The following UCN3 variants were observed in gnomAD, a reference collection of about 807,000 sequenced individuals.
UCN3 encodes urocortin-3.
In UCN3, 3 loss-of-function variants were observed where a neutral mutation model predicts 3.6. The observed-to-expected ratio is 0.83, with a 90% CI of 0.38 to 2.15. UCN3 has a LOEUF of 2.15. Among genes scored for constraint, UCN3 ranks in the 30% most tolerant of loss-of-function variants. UCN3 has a pLI of 0.06. For missense variants in UCN3, 206 were observed against 208.3 expected (o/e 0.99, Z 0.07); for synonymous variants, 100 against 93.2 (o/e 1.07, Z -0.42).
rs1283369717 is a variant in UCN3 at position 5,370,286 on chromosome 10, CGT to C, written c.-6-3422_-6-3421del. 1.6e-3 allele frequency among the ~76,000 whole-genome samples: 29 copies of C among 17,584 alleles called. 1 individual carries two copies. The highest frequency in any genetic ancestry group is 3.1e-3 in the South Asian group (1 of 326). The allele number at this position is 17,584 out of a possible 152,430, so 11.5% of individuals were successfully genotyped here. A position where few individuals can be genotyped will look rare whatever the true frequency, so the allele number is the denominator to read the frequency against. The stretch of plus-strand genomic sequence containing the variant: ...GCGTGTGTATATGCGTGTGTATATG[CGT>C]GTGTGTATGCGTGTGTATATGCGTG... On this transcript the variant is annotated intron_variant, in intron 1 of 1. Coordinates refer to ENST00000380433, the MANE Select transcript of UCN3 (RefSeq NM_053049.4).
intron 1 of UCN3, among the ~76,000 whole-genome samples, chr10:5,370,716 GTGTGTATATGC>G (rs1831389640): frequency 8.7e-6 from 1 of 114,590 alleles, no homozygotes. Context: ...TATATGATGT[GTGTGTATATGC>G]GTGTGTATAT....
chr10:5,370,293 G>GTATGCGTGTGTA (rs1564442675), intron 1 of UCN3, among the ~76,000 whole-genome samples: 2 of 37,936 alleles, frequency 5.3e-5, no homozygotes. Flanking sequence ...ATGCGTGTGT[G>GTATGCGTGTGTA]TATGCGTGTG....
At chr10:5,370,204 C>CGTCTGTATGTGT (rs1831346078) in intron 1 of UCN3, among the ~76,000 whole-genome samples, 1 of 5,460 alleles carries the variant, frequency 1.8e-4, no homozygotes, top group Non-Finnish European at 3.0e-4. Flanking sequence ...TGTGTATATG[C>CGTCTGTATGTGT]GTGTGTATGT....
At chr10:5,370,881 A>T (rs797022781) in intron 1 of UCN3, among the ~76,000 whole-genome samples, 1 of 80,486 alleles carries the variant, frequency 1.2e-5, no homozygotes, top group Non-Finnish European at 2.5e-5. Flanking sequence ...GTGTGTGTAT[A>T]TGCGTGTGTA....
chr10:5,370,371 GTATATGCGTGTA>G (rs1831358918), intron 1 of UCN3, among the ~76,000 whole-genome samples: 1 of 68,512 alleles, frequency 1.5e-5, no homozygotes, highest in Non-Finnish European at 2.6e-5. Context: ...ATATGCGTGT[GTATATGCGTGTA>G]TATGCGTGTG....
chr10:5,370,419 G>GTA lies in UCN3; in HGVS notation c.-6-3292_-6-3291dup, dbSNP rs1366576818. On this transcript the variant is annotated intron_variant, in intron 1 of 1. Coordinates refer to ENST00000380433, the MANE Select transcript of UCN3 (RefSeq NM_053049.4). The stretch of plus-strand genomic sequence containing the variant: ...TATATGTGTGTGTATATGTGTGTGT[G>GTA]TATATGCGTGTGTATATGCGTGTGT... Among the ~76,000 whole-genome samples the GTA allele has an allele frequency of 1.7e-3, 95 of 56,418 alleles. 16 individuals carry two copies. The highest frequency in any genetic ancestry group is 2.4e-3 in the Non-Finnish European group (67 of 28,122). 37.0% of individuals were successfully genotyped at this position (56,418 alleles called of 152,430 possible). A position where few individuals can be genotyped will look rare whatever the true frequency, so the allele number is the denominator to read the frequency against.
chr10:5,374,410 C>T lies in UCN3; in HGVS notation c.*204C>T. On this transcript the variant is annotated 3_prime_UTR_variant, in exon 2 of 2. Coordinates refer to ENST00000380433, the MANE Select transcript of UCN3 (RefSeq NM_053049.4). The stretch of plus-strand genomic sequence containing the variant: ...GTCTCCCTCCTGCTCTGTCTGTACA[C>T]ACAGAAGTGCAGTATTGTCCAACCT... 2 of 583,554 alleles carry T rather than the reference C, an allele frequency of 3.4e-6. No homozygotes were observed. Among genetic ancestry groups the T allele is most frequent in the Non-Finnish European group, 6.0e-6 (2 of 331,226 alleles). The allele number at this position is 583,554 out of a possible 1,614,324, so 36.1% of individuals were successfully genotyped here. A position where few individuals can be genotyped will look rare whatever the true frequency, so the allele number is the denominator to read the frequency against.
chr10:5,372,856 G>A (rs782787443), intron 1 of UCN3, among the ~76,000 whole-genome samples: 4 of 151,874 alleles, frequency 2.6e-5, no homozygotes, highest in Non-Finnish European at 5.9e-5. Flanking sequence ...TGCCTGGCCA[G>A]TTTTTATTTT....
rs1356814286 is a variant in UCN3 at position 5,370,305 on chromosome 10, A to G, written c.-6-3410A>G. Among the ~76,000 whole-genome samples, 28 of 29,102 alleles carry G rather than the reference A, an allele frequency of 9.6e-4. 3 individuals carry two copies. The highest frequency in any genetic ancestry group is 7.9e-3 in the South Asian group (5 of 630). The allele number at this position is 29,102 out of a possible 152,430, so 19.1% of individuals were successfully genotyped here. ...TATATGCGTGTGTGTATGCGTGTGT[A>G]TATGCGTGTATGTGTGTGTATATGC... On this transcript the variant is annotated intron_variant, in intron 1 of 1. Transcript: ENST00000380433.
rs141701237 is a variant in UCN3 at position 5,373,926 on chromosome 10, C to T, written c.206C>T (p.Ser69Leu). The change falls in exon 2 of 2, where the codon TCG becomes TTG. Residue 69 changes from serine to leucine, a missense_variant. By Grantham distance (145) the Ser-to-Leu change is moderately radical. Transcript: ENST00000380433. ...FHYLRSRDAS[S>L]GEEEEGKEKK... Reference sequence around the variant, plus strand: ...TACCTGCGCAGCAGAGACGCCTCTTCGGGAGAGGAGGAGGAGGGCAAAGAG... The same window carrying T: ...TACCTGCGCAGCAGAGACGCCTCTTTGGGAGAGGAGGAGGAGGGCAAAGAG... 9.5e-5 allele frequency: 153 copies of T among 1,613,024 alleles called. No individual in the cohort carries two copies. Among genetic ancestry groups the T allele is most frequent in the Non-Finnish European group, 1.2e-4 (146 of 1,179,600 alleles).
rs1831384222 is a variant in UCN3 at position 5,370,667 on chromosome 10, G to GTGTGTA, written c.-6-3043_-6-3042insATGTGT. Among the ~76,000 whole-genome samples the GTGTGTA allele has an allele frequency of 1.1e-4, 5 of 46,934 alleles. 1 individual carries two copies. The highest frequency in any genetic ancestry group is 3.2e-4 in the African/African-American group (3 of 9,508). The allele number at this position is 46,934 out of a possible 152,430, so 30.8% of individuals were successfully genotyped here. ...TATATGTGTGTGTATGTGTGTGTAT[G>GTGTGTA]TGTGTGTATGTGTGTGTGTATGTGT... On this transcript the variant is annotated intron_variant, in intron 1 of 1. Transcript: ENST00000380433.
intron 1 of UCN3, among the ~76,000 whole-genome samples, chr10:5,369,656 G>C (rs577743017): frequency 4.1e-4 from 63 of 152,312 alleles, no homozygotes; most frequent in African/African-American, 1.3e-3. Flanking sequence ...AGGATCATGT[G>C]TTTTCTCATA....
intron 1 of UCN3, among the ~76,000 whole-genome samples, chr10:5,370,349 A>ATATGCGTGTG (rs1564442785): frequency 1.8e-4 from 6 of 34,206 alleles, no homozygotes; most frequent in Non-Finnish European, 2.5e-4. Context: ...ATGCGTGTGT[A>ATATGCGTGTG]TATGTGTGTG....
rs782526936 is a variant in UCN3, at chr10:5,374,149, G to A, written c.429G>A (p.Leu143=). 3.7e-6 allele frequency: 6 copies of A among 1,612,770 alleles called. No homozygotes were observed. In the South Asian group the frequency reaches 6.6e-5, roughly 18 times the overall value. ...LLFNIAKAKN[L]RAQAAANAHL... is the part of the protein sequence containing the mutation. ...TCAACATCGCCAAGGCCAAGAACCT[G>A]CGTGCCCAGGCGGCCGCCAATGCCC... Residue 143 remains leucine, a synonymous_variant, in exon 2 of 2, where the codon CTG becomes CTA. Transcript: ENST00000380433.
rs542587038 is a variant in UCN3, at chr10:5,366,093, T to C, written c.-7+863T>C. Among the ~76,000 whole-genome samples, 1 of 152,218 alleles carries C rather than the reference T, an allele frequency of 6.6e-6. No individual in the cohort carries two copies. The highest frequency in any genetic ancestry group is 1.5e-5 in the Non-Finnish European group (1 of 68,032). On this transcript the variant is annotated intron_variant, in intron 1 of 1. Coordinates refer to ENST00000380433, the MANE Select transcript of UCN3 (RefSeq NM_053049.4). This position sits in a 1 kb window ranked among gnomAD's most constrained non-coding sequence, Gnocchi z 4.2. ...TGCAGACAAACGGAGCCCACAGGAA[T>C]AGCTCTGCACTTGGCAGAGATGTGT...
chr10:5,370,862 C>CGT (rs1319076011), intron 1 of UCN3, among the ~76,000 whole-genome samples: 2,179 of 45,356 alleles, frequency 0.048, 210 homozygotes, highest in East Asian at 0.23. Context: ...CGTGTGTGTG[C>CGT]GTGTGTATGT....
rs146286869 is a variant in UCN3 at position 5,369,937 on chromosome 10, G to A, written c.-6-3778G>A. ...TATATGTGTGTGTATGTGTGTGTGTGTATGTGTGTGTATATGTGTGTGTAT... is the reference window on the plus strand; with the variant it reads ...TATATGTGTGTGTATGTGTGTGTGTATATGTGTGTGTATATGTGTGTGTAT... On this transcript the variant is annotated intron_variant, in intron 1 of 1. Coordinates refer to ENST00000380433, the MANE Select transcript of UCN3 (RefSeq NM_053049.4). 8.3e-3 allele frequency among the ~76,000 whole-genome samples: 637 copies of A among 76,476 alleles called. 26 individuals are homozygous for A. The highest frequency in any genetic ancestry group is 0.017 in the Middle Eastern group (2 of 120). 50.2% of individuals were successfully genotyped at this position (76,476 alleles called of 152,430 possible).
chr10:5,373,608 AC>A (rs1186186836), intron 1 of UCN3, 106 bp from the exon 2 acceptor site: 8 of 1,494,164 alleles, frequency 5.4e-6, no homozygotes, highest in African/African-American at 1.4e-5. Flanking sequence ...TACTTGGAGA[AC>A]CCTTGTAGTG....
intron 1 of UCN3, among the ~76,000 whole-genome samples, chr10:5,369,015 A>G (rs1298319553): frequency 2.0e-5 from 3 of 152,042 alleles, no homozygotes; most frequent in African/African-American, 7.2e-5. Flanking sequence ...AGACCCAGTG[A>G]CTCAGAAACT....
Sources: gnomAD v4.1 joint callset for allele counts (sites outside exome capture counted in the v4.1 genomes callset) on GRCh38, gnomAD v4.1.1 for gene constraint, Gnocchi (gnomAD v3.1) non-coding constraint, MANE v1.5 for transcripts, NCBI Gene and HGNC (gene_info 2026-07-23, HGNC 2026-07-21) for gene names.